Variants in GAPVD1 observed in about 807,000 individuals in gnomAD.
GAPVD1 encodes GTPase-activating protein and VPS9 domain-containing protein 1.
A neutral mutation model predicts 155.5 loss-of-function variants in GAPVD1; 35 were observed. The observed-to-expected ratio is 0.23, with a 90% CI of 0.17 to 0.30. The LOEUF is 0.30. Ranked by LOEUF, GAPVD1 falls within the 10% of genes least tolerant of loss-of-function variation. The pLI, the probability that GAPVD1 is intolerant of heterozygous loss-of-function variation, is 1.00. For missense variants in GAPVD1, 1,429 were observed against 1,775.7 expected, an observed-to-expected ratio of 0.80 and a Z score of 3.51; for synonymous variants, 636 against 619.7, an observed-to-expected ratio of 1.03 and a Z score of -0.39.
At chr9:125,323,345 G>A (rs758384497) in intron 10 of GAPVD1, among the ~76,000 whole-genome samples, 9 of 151,896 alleles carry the variant, frequency 5.9e-5, no homozygotes, top group Non-Finnish European at 1.0e-4. Flanking sequence ...TCGCTCTGTC[G>A]CCCAGGCTGG....
intron 2 of GAPVD1, among the ~76,000 whole-genome samples, chr9:125,282,185 A>G (rs1564281994): frequency 6.6e-6 from 1 of 152,186 alleles, no homozygotes; most frequent in African/African-American, 2.4e-5. Flanking sequence ...AGGCTGAGGC[A>G]GGAGAATCAC....
In GAPVD1 at chr9:125,278,144, G is replaced by A. The variant is rs1836114184; in HGVS notation, c.-150+9160G>A. ...TAAATAAATCGTCGTGATTCAACAT[G>A]ATATTTGTAAAAAATATTTGCAAGA... On this transcript the variant is annotated intron_variant, in intron 2 of 27. Transcript: ENST00000297933. Among the ~76,000 whole-genome samples the A allele has an allele frequency of 2.0e-5, 3 of 152,172 alleles. No individual in the cohort carries two copies. In the South Asian group the frequency reaches 6.2e-4, roughly 32 times the overall value.
At chr9:125,300,747 G>T (rs1377916371) in intron 4 of GAPVD1, among the ~76,000 whole-genome samples, 1 of 151,648 alleles carries the variant, frequency 6.6e-6, no homozygotes, top group Non-Finnish European at 1.5e-5. Context: ...TGTAAAAATT[G>T]TTCAAGCTGA....
At chr9:125,283,382 G>T (rs185816780) in intron 2 of GAPVD1, among the ~76,000 whole-genome samples, 4 of 151,376 alleles carry the variant, frequency 2.6e-5, no homozygotes, top group African/African-American at 4.9e-5. Context: ...TTTTAGACAG[G>T]GTCGTGCTGT....
chr9:125,307,305 A>T, intron 6 of GAPVD1, 108 bp from the exon 7 acceptor site: 12 of 709,514 alleles, frequency 1.7e-5, no homozygotes, highest in South Asian at 2.6e-5. Flanking sequence ...TTAAAAAAAT[A>T]TGATTTTTAA....
In GAPVD1 at chr9:125,350,602, T is replaced by G. The variant is rs150480548; in HGVS notation, c.3410-111T>G. On this transcript the variant is annotated intron_variant, in intron 22 of 27. Transcript: ENST00000297933. ...TCTAATTGGGAGTGGCAATACAGCT[T>G]AGTTCTAATGATACGTGACAAAGCA... 1,002 of 717,022 alleles carry G rather than the reference T, an allele frequency of 1.4e-3. 1 individual carries two copies. Among genetic ancestry groups the G allele is most frequent in the Middle Eastern group, 4.6e-3 (14 of 3,044 alleles). The allele number at this position is 717,022 out of a possible 1,614,324, so 44.4% of individuals were successfully genotyped here. A position where few individuals can be genotyped will look rare whatever the true frequency, so the allele number is the denominator to read the frequency against.
At position 125,367,070 on chromosome 9, in the gene GAPVD1, C is replaced by G. The variant is rs1051471349; in HGVS notation, c.*4324C>G. On this transcript the variant is annotated 3_prime_UTR_variant, in exon 28 of 28. Transcript: ENST00000297933. ...ACTGCCTCTTTTGAAACAGATAAAA[C>G]CTTTCTATAAGTCTCAATTAATGAG... 6.6e-6 allele frequency: 1 copy of G among 152,208 alleles called. No individual in the cohort carries two copies. Among genetic ancestry groups the G allele is most frequent in the Non-Finnish European group, 1.5e-5 (1 of 68,040 alleles). 9.4% of individuals were successfully genotyped at this position (152,208 alleles called of 1,614,324 possible).
chr9:125,283,334 C>G (rs371437060), intron 2 of GAPVD1, among the ~76,000 whole-genome samples: 4 of 151,900 alleles, frequency 2.6e-5, no homozygotes, highest in Admixed American at 6.6e-5. Context: ...GCTGGGATTA[C>G]AGGTGTGAGC....
At chr9:125,330,403 C>T (rs1475244601) in intron 13 of GAPVD1, among the ~76,000 whole-genome samples, 185 bp downstream of exon 13, 1 of 151,572 alleles carries the variant, frequency 6.6e-6, no homozygotes, top group Non-Finnish European at 1.5e-5. Context: ...ACTGCAACCT[C>T]TGCCTCCTGG....
At chr9:125,359,615 T>G (rs768616890) in intron 26 of GAPVD1, 123 bp downstream of exon 26, 30 of 624,554 alleles carry the variant, frequency 4.8e-5, no homozygotes, top group Non-Finnish European at 8.6e-5. Flanking sequence ...ATTTTCACTC[T>G]ATGTAATTCA....
At position 125,366,712 on chromosome 9, in the gene GAPVD1, G is replaced by A. The variant is rs1297456027; in HGVS notation, c.*3966G>A. On this transcript the variant is annotated 3_prime_UTR_variant, in exon 28 of 28. Coordinates refer to ENST00000297933, the MANE Select transcript of GAPVD1 (RefSeq NM_001282680.3). ...AAATGCCAAAATGCTTGAGAACTTTGCCAGGTTAAAAATTACTTAATATAT... is the reference window on the plus strand; with the variant it reads ...AAATGCCAAAATGCTTGAGAACTTTACCAGGTTAAAAATTACTTAATATAT... 1 of 152,198 alleles carries A rather than the reference G, an allele frequency of 6.6e-6. No individual in the cohort carries two copies. The highest frequency in any genetic ancestry group is 2.4e-5 in the African/African-American group (1 of 41,444). The allele number at this position is 152,198 out of a possible 1,614,324, so 9.4% of individuals were successfully genotyped here.
At position 125,330,119 on chromosome 9, in the gene GAPVD1, C is replaced by T. The variant is rs777333656; in HGVS notation, c.2074C>T (p.Pro692Ser). 1.2e-6 allele frequency: 2 copies of T among 1,612,438 alleles called. No individual in the cohort carries two copies. Among genetic ancestry groups the T allele is most frequent in the Admixed American group, 3.3e-5 (2 of 59,850 alleles). The part of the protein sequence containing the change: ...ENMLGSLLCL[P>S]GSGSVLLDPC... ...CATGTTAGGCAGTTTGCTGTGCCTC[C>T]CAGGTTCAGGGTCAGTGCTTCTTGA... Residue 692 changes from proline (P) to serine (S), a missense_variant, in exon 13 of 28, where the codon CCA becomes TCA. Pro to Ser is a moderately conservative substitution (Grantham distance 74). This residue lies in a region of GAPVD1 where 699 missense variants were observed against 826.0 expected (regional missense o/e 0.85). Coordinates refer to ENST00000297933, the MANE Select transcript of GAPVD1 (RefSeq NM_001282680.3).
chr9:125,340,372 A>T (rs1196043004), intron 17 of GAPVD1, among the ~76,000 whole-genome samples: 2 of 152,162 alleles, frequency 1.3e-5, no homozygotes, highest in African/African-American at 4.8e-5. Flanking sequence ...CAAAACATGA[A>T]CTTTAAAGTT....
At chr9:125,326,379 C>T (rs1355551748) in intron 11 of GAPVD1, 37 bp from the exon 12 acceptor site, 4 of 1,374,186 alleles carry the variant, frequency 2.9e-6, no homozygotes, top group Non-Finnish European at 3.1e-6. Flanking sequence ...CATAGCTGTG[C>T]TACTATTTTA....
chr9:125,323,174 T>A (rs569517604), intron 10 of GAPVD1, among the ~76,000 whole-genome samples: 3 of 151,968 alleles, frequency 2.0e-5, no homozygotes, highest in African/African-American at 7.2e-5. Context: ...TGATGCGATC[T>A]CAGCTCACTG....
In GAPVD1 at chr9:125,364,474, G is replaced by A. The variant is rs924822996; in HGVS notation, c.*1728G>A. The A allele has an allele frequency of 6.6e-6, 1 of 152,156 alleles. No homozygotes were observed. The highest frequency in any genetic ancestry group is 2.4e-5 in the African/African-American group (1 of 41,406). 9.4% of individuals were successfully genotyped at this position (152,156 alleles called of 1,614,324 possible). On this transcript the variant is annotated 3_prime_UTR_variant, in exon 28 of 28. Transcript: ENST00000297933. The stretch of plus-strand genomic sequence containing the variant: ...TGGCCAGGATGATCCTCAATCTCCT[G>A]ACCTCGTGATCCACCCGCCTTGGCC...
intron 10 of GAPVD1, among the ~76,000 whole-genome samples, chr9:125,322,266 G>A (rs1038226119): frequency 2.6e-5 from 4 of 151,870 alleles, no homozygotes; most frequent in East Asian, 1.9e-4. Context: ...GGGTTTCACC[G>A]TGTTAGCCAG....
In GAPVD1 at chr9:125,299,099, A is replaced by T. The variant is rs371542703; in HGVS notation, c.178A>T (p.Ile60Leu). Residue 60 changes from isoleucine to leucine, a missense_variant, in exon 4 of 28, where the codon ATA becomes TTA. Around this residue, in one of 4 missense-constraint regions of GAPVD1, gnomAD observed 628 missense variants for 733.4 expected, o/e 0.86. Transcript: ENST00000297933. Reference sequence around the variant, plus strand: ...GAGAATCAATTTGGATCGGCTTATCATAACCAGGTAAAGAGATGATTTTCA... The same window carrying T: ...GAGAATCAATTTGGATCGGCTTATCTTAACCAGGTAAAGAGATGATTTTCA... ...QQRINLDRLI[I>L]TSAEASPAEC... 2 of 1,574,956 alleles carry T rather than the reference A, an allele frequency of 1.3e-6. No homozygotes were observed. Among genetic ancestry groups the T allele is most frequent in the African/African-American group, 2.7e-5 (2 of 73,686 alleles).
intron 5 of GAPVD1, among the ~76,000 whole-genome samples, chr9:125,304,816 T>A (rs1215720038): frequency 6.6e-6 from 1 of 152,220 alleles, no homozygotes; most frequent in Non-Finnish European, 1.5e-5. Context: ...AATGTTGATA[T>A]CTTATGTGTT....
Sources: gnomAD v4.1 joint callset for allele counts (sites outside exome capture counted in the v4.1 genomes callset) on GRCh38, gnomAD v4.1.1 for gene constraint, gnomAD v4.1.1 regional missense constraint, MANE v1.5 for transcripts, NCBI Gene and HGNC (gene_info 2026-07-23, HGNC 2026-07-21) for gene names.